CLASP2: variants seen among roughly 807,000 people sequenced by gnomAD.
The protein encoded by CLASP2 is cytoplasmic linker associated protein 2.
A neutral mutation model predicts 194.4 loss-of-function variants in CLASP2; 47 were observed. The ratio of observed to expected loss-of-function variants is 0.24; its 90% CI spans 0.19 to 0.31. The LOEUF (loss-of-function observed/expected upper bound fraction) is 0.31, where lower values mean the gene tolerates loss of function less well. Ranked by LOEUF, CLASP2 falls within the 10% of genes least tolerant of loss-of-function variation. The pLI, the probability that CLASP2 is intolerant of heterozygous loss-of-function variation, is 1.00. For missense variants in CLASP2, 1,445 were observed against 1,823.6 expected, an observed-to-expected ratio of 0.79 and a Z score of 3.78; for synonymous variants, 619 against 633.5, an observed-to-expected ratio of 0.98 and a Z score of 0.34.
intron 21 of CLASP2, among the ~76,000 whole-genome samples, chr3:33,586,011 G>GT (rs1453236075): frequency 6.6e-6 from 1 of 151,996 alleles, no homozygotes; most frequent in Non-Finnish European, 1.5e-5. Context: ...AAAGAAACTT[G>GT]TTTTTTGCTA....
chr3:33,700,811 T>C (rs1451904732), intron 1 of CLASP2, among the ~76,000 whole-genome samples: 2 of 152,096 alleles, frequency 1.3e-5, no homozygotes, highest in South Asian at 2.1e-4. Flanking sequence ...GATCGCGCCA[T>C]TGCACTCTAG....
chr3:33,641,007 A>G (rs1401449579), intron 8 of CLASP2, among the ~76,000 whole-genome samples: 1 of 152,060 alleles, frequency 6.6e-6, no homozygotes, highest in Non-Finnish European at 1.5e-5. Context: ...GTATGATGGC[A>G]GTATAGCAAA....
chr3:33,622,393 G>T, intron 10 of CLASP2, 113 bp from the exon 11 acceptor site: 1 of 701,956 alleles, frequency 1.4e-6, no homozygotes, highest in South Asian at 4.3e-5. Flanking sequence ...CATATATAAT[G>T]TTTCATTACA....
chr3:33,679,589 A>G (rs971063321), intron 6 of CLASP2, among the ~76,000 whole-genome samples: 12 of 152,214 alleles, frequency 7.9e-5, no homozygotes, highest in Admixed American at 7.9e-4. Flanking sequence ...CTGAACAAAC[A>G]TCTCACCAGA....
At chr3:33,599,128 T>C (rs927837717) in intron 18 of CLASP2, among the ~76,000 whole-genome samples, 1 of 152,002 alleles carries the variant, frequency 6.6e-6, no homozygotes, top group Non-Finnish European at 1.5e-5. Flanking sequence ...TATTTATTTA[T>C]TTATTTTGGA....
chr3:33,674,401 CAA>C (rs2088071728), intron 6 of CLASP2, among the ~76,000 whole-genome samples: 1 of 151,296 alleles, frequency 6.6e-6, no homozygotes, highest in African/African-American at 2.5e-5. Flanking sequence ...CCAACGAGAA[CAA>C]AGACACAACA....
intron 34 of CLASP2, among the ~76,000 whole-genome samples, chr3:33,529,458 C>G (rs1437352723): frequency 6.6e-6 from 1 of 152,016 alleles, no homozygotes; most frequent in Non-Finnish European, 1.5e-5. Flanking sequence ...CAGCATGGTA[C>G]TAGCACAAAA....
chr3:33,605,018 TTC>T (rs2073426755), intron 16 of CLASP2, among the ~76,000 whole-genome samples: 1 of 152,236 alleles, frequency 6.6e-6, no homozygotes, highest in East Asian at 1.9e-4. Flanking sequence ...AAAATTGTTA[TTC>T]TCTTAGATTG....
At chr3:33,531,104 A>G (rs1003228125) in intron 34 of CLASP2, among the ~76,000 whole-genome samples, 4 of 152,200 alleles carry the variant, frequency 2.6e-5, no homozygotes, top group Non-Finnish European at 4.4e-5. Flanking sequence ...AGTAATCAAA[A>G]CAGCATTTTA....
At chr3:33,547,844 A>G (rs966608722) in intron 30 of CLASP2, among the ~76,000 whole-genome samples, 1 of 146,300 alleles carries the variant, frequency 6.8e-6, no homozygotes, top group Non-Finnish European at 1.5e-5. Flanking sequence ...GCTGGAGTGC[A>G]GTGGTGTAAT....
chr3:33,677,190 C>A (rs1471782927), intron 6 of CLASP2, among the ~76,000 whole-genome samples: 1 of 152,086 alleles, frequency 6.6e-6, no homozygotes, highest in Non-Finnish European at 1.5e-5. Flanking sequence ...TTGACCCAGC[C>A]ATCCCATTAC....
chr3:33,518,150 T>C (rs989791845), intron 34 of CLASP2, among the ~76,000 whole-genome samples: 2 of 152,338 alleles, frequency 1.3e-5, no homozygotes, highest in South Asian at 2.1e-4. Flanking sequence ...ATTCTTAATA[T>C]AGTTCTCTTT....
At chr3:33,644,952 C>A in intron 7 of CLASP2, 49 bp from the exon 8 acceptor site, 1 of 1,535,038 alleles carries the variant, frequency 6.5e-7, no homozygotes, top group East Asian at 2.4e-5. Context: ...AGCTTTGTTC[C>A]ATTTTCCCTA....
intron 34 of CLASP2, among the ~76,000 whole-genome samples, chr3:33,530,852 C>T (rs767759414): frequency 4.6e-5 from 7 of 152,194 alleles, no homozygotes; most frequent in Non-Finnish European, 8.8e-5. Context: ...AATAGAAGCA[C>T]ATCCCATTTT....
At chr3:33,673,252 A>C (rs560968465) in intron 6 of CLASP2, among the ~76,000 whole-genome samples, 97 of 152,370 alleles carry the variant, frequency 6.4e-4, no homozygotes, top group Non-Finnish European at 9.6e-4. Flanking sequence ...TCTCGGCAGA[A>C]ACTCTACAAG....
At chr3:33,589,965 G>C (rs2068334686) in intron 21 of CLASP2, among the ~76,000 whole-genome samples, 1 of 151,996 alleles carries the variant, frequency 6.6e-6, no homozygotes, top group African/African-American at 2.4e-5. Flanking sequence ...TAACTTCATT[G>C]TTTATTTCTC....
intron 1 of CLASP2, among the ~76,000 whole-genome samples, chr3:33,699,791 T>C (rs2092238765): frequency 1.3e-5 from 2 of 151,940 alleles, no homozygotes; most frequent in African/African-American, 2.4e-5. Flanking sequence ...AAAATTTATA[T>C]TGTACTTACC....
chr3:33,710,281 T>C (rs1163291560), intron 1 of CLASP2, among the ~76,000 whole-genome samples: 1 of 152,214 alleles, frequency 6.6e-6, no homozygotes, highest in East Asian at 1.9e-4. Context: ...AAAACTGTTG[T>C]TAGTCTGTGA....
chr3:33,556,091 C>T (rs923726369), intron 29 of CLASP2, among the ~76,000 whole-genome samples: 1 of 152,134 alleles, frequency 6.6e-6, no homozygotes, highest in Non-Finnish European at 1.5e-5. Context: ...AAAAAGAGGT[C>T]AGCAAAGATT....
Sources: allele counts gnomAD v4.1 joint callset (sites outside exome capture counted in the v4.1 genomes callset), GRCh38; gene constraint gnomAD v4.1.1; transcripts MANE v1.5; gene names NCBI Gene and HGNC (gene_info 2026-07-23, HGNC 2026-07-21).